The following PBX3 variants were observed in gnomAD, a reference collection of about 807,000 sequenced individuals.
PBX3 encodes PBX homeobox 3, also known as pre-B-cell leukemia transcription factor 3.
A neutral mutation model predicts 48.5 loss-of-function variants in PBX3; 14 were observed. The ratio of observed to expected loss-of-function variants is 0.29; its 90% confidence interval spans 0.19 to 0.45. The LOEUF (loss-of-function observed/expected upper bound fraction) is 0.45. PBX3 is among the 20% of genes least tolerant of loss of function. The pLI, the probability that PBX3 is intolerant of heterozygous loss-of-function variation, is 1.00. For missense variants in PBX3, 386 were observed against 546.7 expected, an observed-to-expected ratio of 0.71 and a Z score of 2.93; for synonymous variants, 210 against 200.3, an observed-to-expected ratio of 1.05 and a Z score of -0.41.
intron 2 of PBX3, among the ~76,000 whole-genome samples, chr9:125,754,210 T>C (rs930672539): frequency 2.6e-5 from 4 of 152,136 alleles, no homozygotes; most frequent in Non-Finnish European, 5.9e-5. Context: ...ATTATGAGAA[T>C]AATGTTTTGT....
At chr9:125,899,368 CATATATGTATATATTTTTATATAAAT>C (rs1311123985) in intron 2 of PBX3, among the ~76,000 whole-genome samples, 1 of 38,348 alleles carries the variant, frequency 2.6e-5, no homozygotes, top group African/African-American at 1.0e-4. Flanking sequence ...TAAATATATA[CATATATGTATATATTTTTATATAAAT>C]ATACAAATAT....
intron 2 of PBX3, among the ~76,000 whole-genome samples, chr9:125,913,569 T>TA (rs1316035666): frequency 6.6e-6 from 1 of 152,152 alleles, no homozygotes; most frequent in Admixed American, 6.6e-5. Flanking sequence ...CTGTCTCTCT[T>TA]ATGGTGTACT....
chr9:125,949,762 G>A (rs546060394), intron 5 of PBX3, among the ~76,000 whole-genome samples: 9 of 152,178 alleles, frequency 5.9e-5, no homozygotes, highest in Non-Finnish European at 1.2e-4. Flanking sequence ...CGTGACTATA[G>A]GATTTCTTTT....
At position 125,910,536 on chromosome 9, in the gene PBX3, A is replaced by G. The variant is rs549963207; in HGVS notation, c.275-5150A>G. ...GAGAATGAGTCAAGCGAAAGTGACA[A>G]CTAGGTTGGCGTGGAAATGTGCAGT... On this transcript the variant is annotated intron_variant, in intron 2 of 8. Coordinates refer to ENST00000373489, the MANE Select transcript of PBX3 (RefSeq NM_006195.6). Among the ~76,000 whole-genome samples the G allele has an allele frequency of 1.2e-4, 18 of 152,114 alleles. No homozygotes were observed. The Middle Eastern group carries it at 0.02, about 172-fold the overall frequency.
intron 2 of PBX3, among the ~76,000 whole-genome samples, chr9:125,802,075 A>G (rs1223806478): frequency 2.6e-5 from 4 of 152,108 alleles, no homozygotes; most frequent in Non-Finnish European, 5.9e-5. Flanking sequence ...CAACAACAAT[A>G]ACAGCAAAAC....
chr9:125,757,328 TA>T (rs1290979149), intron 2 of PBX3, among the ~76,000 whole-genome samples: 1 of 152,094 alleles, frequency 6.6e-6, no homozygotes, highest in African/African-American at 2.4e-5. Flanking sequence ...CATAGTCAGA[TA>T]TATCATTTTC....
rs1278701220 is a variant in PBX3, at chr9:125,949,371, C to T, written c.844-11313C>T. On this transcript the variant is annotated intron_variant, in intron 5 of 8. Transcript: ENST00000373489. Reference sequence around the variant, plus strand: ...ATTCAACCTACATTTTCTTGCCGGGCATACAGAGTCTTGTAAAGGATCCAA... The same window carrying T: ...ATTCAACCTACATTTTCTTGCCGGGTATACAGAGTCTTGTAAAGGATCCAA... 6.4e-6 allele frequency: 10 copies of T among 1,550,628 alleles called. No individual in the cohort carries two copies. The Admixed American group carries it at 1.6e-4, about 24-fold the overall frequency.
intron 2 of PBX3, among the ~76,000 whole-genome samples, chr9:125,795,783 A>C (rs1837761124): frequency 6.6e-6 from 1 of 152,334 alleles, no homozygotes; most frequent in Non-Finnish European, 1.5e-5. Context: ...AAAATTTAAA[A>C]TAAACCTTTA....
intron 2 of PBX3, among the ~76,000 whole-genome samples, chr9:125,898,259 C>T (rs939490293): frequency 6.6e-6 from 1 of 151,762 alleles, no homozygotes; most frequent in African/African-American, 2.4e-5. Context: ...CTCTACCTCT[C>T]TTCCCTAGCA....
chr9:125,747,773 G>A (rs1426762209), intron 1 of PBX3, 120 bp downstream of exon 1: 2 of 723,626 alleles, frequency 2.8e-6, no homozygotes, highest in African/African-American at 1.9e-5. Flanking sequence ...AACTTTCTCC[G>A]AAAGCCGGCC....
chr9:125,840,598 G>A (rs551858557), intron 2 of PBX3, among the ~76,000 whole-genome samples: 12 of 151,158 alleles, frequency 7.9e-5, no homozygotes, highest in South Asian at 2.1e-4. Context: ...TTAACTCCTC[G>A]ATCTCCTTGG....
At chr9:125,840,384 A>G (rs1181970926) in intron 2 of PBX3, among the ~76,000 whole-genome samples, 6 of 151,680 alleles carry the variant, frequency 4.0e-5, no homozygotes, top group South Asian at 2.1e-4. Context: ...CCTTTTAGCA[A>G]TTGTTTCTTA....
chr9:125,917,438 A>G (rs911604796), intron 3 of PBX3, among the ~76,000 whole-genome samples: 6 of 152,154 alleles, frequency 3.9e-5, no homozygotes, highest in Admixed American at 6.5e-5. Context: ...TGTGCACTCT[A>G]TGGATTTGGA....
intron 2 of PBX3, among the ~76,000 whole-genome samples, chr9:125,756,514 G>T (rs1437137775): frequency 1.3e-5 from 2 of 152,142 alleles, no homozygotes; most frequent in African/African-American, 4.8e-5. Context: ...TATTTGCTGG[G>T]TATGGTTAGA....
intron 3 of PBX3, among the ~76,000 whole-genome samples, chr9:125,925,636 A>G (rs188751641): frequency 1.3e-5 from 2 of 152,238 alleles, no homozygotes; most frequent in East Asian, 1.9e-4. Context: ...TATTTTTGGT[A>G]GAGACGGAGT....
In PBX3 at chr9:125,861,247, C is replaced by T. The variant is rs529854878; in HGVS notation, c.275-54439C>T. On this transcript the variant is annotated intron_variant, in intron 2 of 8. Transcript: ENST00000373489. ...GAGGTTGAGGCTGCAAGCAGTGAGC[C>T]GTGATTGAGCCACTGTACTCCAGCC... is the stretch of plus-strand genomic sequence containing the variant. 2.4e-4 allele frequency among the ~76,000 whole-genome samples: 36 copies of T among 151,194 alleles called. No homozygotes were observed. In the South Asian group the frequency reaches 6.8e-3, roughly 28 times the overall value.
chr9:125,943,658 C>T (rs1219975588), intron 5 of PBX3, among the ~76,000 whole-genome samples: 1 of 152,106 alleles, frequency 6.6e-6, no homozygotes, highest in East Asian at 1.9e-4. Flanking sequence ...AGGGTCCCAG[C>T]AGAAAACAGA....
At chr9:125,791,123 C>T (rs575130287) in intron 2 of PBX3, among the ~76,000 whole-genome samples, 2 of 152,208 alleles carry the variant, frequency 1.3e-5, no homozygotes, top group South Asian at 2.1e-4. Context: ...GCCATTTTGG[C>T]CAGGCTAGTC....
intron 3 of PBX3, among the ~76,000 whole-genome samples, chr9:125,928,493 T>A (rs1841637558): frequency 6.6e-6 from 1 of 150,576 alleles, no homozygotes; most frequent in Admixed American, 6.6e-5. Context: ...AATCTTGGAA[T>A]CTCGCTTTGT....
Sources: gnomAD v4.1 joint callset for allele counts (sites outside exome capture counted in the v4.1 genomes callset) on GRCh38, gnomAD v4.1.1 for gene constraint, MANE v1.5 for transcripts, NCBI Gene and HGNC (gene_info 2026-07-23, HGNC 2026-07-21) for gene names.